The following RAB4A variants were observed in gnomAD, a reference collection of about 807,000 sequenced individuals.
RAB4A encodes ras-related protein Rab-4A.
In RAB4A, 20 loss-of-function variants were observed where a neutral mutation model predicts 34.5. The observed-to-expected ratio is 0.58, with a 90% CI of 0.41 to 0.84. The LOEUF is 0.84. Ranked by LOEUF, RAB4A falls within the 40% of genes least tolerant of loss-of-function variation. The pLI is 0.00. For missense variants in RAB4A, 228 were observed against 274.5 expected, an observed-to-expected ratio of 0.83 and a Z score of 1.20; for synonymous variants, 102 against 100.0, an observed-to-expected ratio of 1.02 and a Z score of -0.12.
chr1:229,294,303 G>A lies in RAB4A; in HGVS notation c.228-1545G>A, dbSNP rs143152809. Reference sequence around the variant, plus strand: ...GCCCAGGACCCAGCTCTGGGGAATCGCAATCCCAGCAGGGCAGATTCAGAA... The same window carrying A: ...GCCCAGGACCCAGCTCTGGGGAATCACAATCCCAGCAGGGCAGATTCAGAA... On this transcript the variant is annotated intron_variant, in intron 3 of 7. Transcript: ENST00000366690. Among the ~76,000 whole-genome samples the A allele has an allele frequency of 3.9e-5, 6 of 152,326 alleles. No individual in the cohort carries two copies. The East Asian group carries it at 9.7e-4, about 25-fold the overall frequency.
intron 6 of RAB4A, among the ~76,000 whole-genome samples, chr1:229,302,297 ATATATATATATATTTT>A (rs1388576720): frequency 0.017 from 488 of 28,360 alleles, 28 homozygotes; most frequent in African/African-American, 0.064. Context: ...ATATATATAT[ATATATATATATATTTT>A]TTTTTTTTTT....
chr1:229,290,786 C>T (rs1466445260), intron 3 of RAB4A, among the ~76,000 whole-genome samples: 2 of 152,098 alleles, frequency 1.3e-5, no homozygotes, highest in Non-Finnish European at 2.9e-5. Context: ...GTTAAATAAA[C>T]TCATGGTGAA....
intron 1 of RAB4A, among the ~76,000 whole-genome samples, chr1:229,281,324 A>T (rs1656770549): frequency 6.6e-6 from 1 of 152,102 alleles, no homozygotes; most frequent in Non-Finnish European, 1.5e-5. Flanking sequence ...TGGCATATAC[A>T]CGTTCAAGAT....
At chr1:229,278,548 C>T (rs2102835625) in intron 1 of RAB4A, among the ~76,000 whole-genome samples, 1 of 152,324 alleles carries the variant, frequency 6.6e-6, no homozygotes, top group South Asian at 2.1e-4. Flanking sequence ...CATCCTTAAC[C>T]CTTTCCATGT....
rs373835772 is a variant in RAB4A, at chr1:229,297,477, C to T, written c.291-5C>T. ...GTATTATTTTCACAATCTTATATTA[C>T]GCAGCCGAGAAACCTACAATGCGCT... On this transcript the variant is annotated splice_region_variant and splice_polypyrimidine_tract_variant and intron_variant, in intron 4 of 7. Transcript: ENST00000366690. 31 of 1,584,460 alleles carry T rather than the reference C, an allele frequency of 2.0e-5. No individual in the cohort carries two copies. The highest frequency in any genetic ancestry group is 4.7e-5 in the South Asian group (4 of 85,446).
chr1:229,289,010 T>A (rs1656994911), intron 3 of RAB4A, 167 bp downstream of exon 3: 1 of 594,720 alleles, frequency 1.7e-6, no homozygotes, highest in Admixed American at 3.2e-5. Flanking sequence ...AGCTAAAATT[T>A]AGGTTAGCTC....
At chr1:229,272,271 C>T (rs916832494) in intron 1 of RAB4A, among the ~76,000 whole-genome samples, 1 of 152,150 alleles carries the variant, frequency 6.6e-6, no homozygotes, top group African/African-American at 2.4e-5. Context: ...TGGAGTTTTA[C>T]AGTCCCAGAG....
chr1:229,282,315 A>G (rs2102838981), intron 1 of RAB4A, among the ~76,000 whole-genome samples: 1 of 152,142 alleles, frequency 6.6e-6, no homozygotes, highest in Non-Finnish European at 1.5e-5. Context: ...TTCGAATTGT[A>G]TTTCCCTTGT....
chr1:229,274,756 T>C (rs554612063), intron 1 of RAB4A, among the ~76,000 whole-genome samples: 1 of 152,356 alleles, frequency 6.6e-6, no homozygotes, highest in South Asian at 2.1e-4. Flanking sequence ...GTATATGTAG[T>C]GGGAAAATGC....
At chr1:229,273,146 T>TG (rs1247235558) in intron 1 of RAB4A, among the ~76,000 whole-genome samples, 4 of 151,992 alleles carry the variant, frequency 2.6e-5, no homozygotes, top group African/African-American at 9.7e-5. Flanking sequence ...GAAAAGCAAG[T>TG]GGGGGTCATG....
In RAB4A at chr1:229,288,855, C is replaced by G. The variant is rs376741628; in HGVS notation, c.227+12C>G. The G allele has an allele frequency of 3.1e-4, 432 of 1,385,244 alleles. No individual in the cohort carries two copies. Among genetic ancestry groups the G allele is most frequent in the Non-Finnish European group, 3.7e-4 (360 of 984,242 alleles). 85.8% of individuals were successfully genotyped at this position (1,385,244 alleles called of 1,614,324 possible). A position where few individuals can be genotyped will look rare whatever the true frequency, so the allele number is the denominator to read the frequency against. On this transcript the variant is annotated intron_variant, in intron 3 of 7. Transcript: ENST00000366690. ...CAAGAACGATTCAGGTAGCTTTTCT[C>G]TAACTTAATAAAAATATTTGAAAAT... is the stretch of plus-strand genomic sequence containing the variant.
intron 1 of RAB4A, among the ~76,000 whole-genome samples, chr1:229,275,382 A>G (rs1461718187): frequency 6.6e-6 from 1 of 152,152 alleles, no homozygotes; most frequent in Non-Finnish European, 1.5e-5. Context: ...GAGCCTTCAG[A>G]GAGACCTTGA....
chr1:229,303,718 T>C (rs989942607), intron 7 of RAB4A, 88 bp from the exon 8 acceptor site: 2 of 152,266 alleles, frequency 1.3e-5, no homozygotes, highest in African/African-American at 4.8e-5. Context: ...AGACAAGATA[T>C]TCACGAATTC....
intron 1 of RAB4A, among the ~76,000 whole-genome samples, chr1:229,284,094 G>GTTTTTTTTTTT (rs773213321): frequency 2.2e-5 from 1 of 45,920 alleles, no homozygotes; most frequent in Non-Finnish European, 3.8e-5. Context: ...GTGTTGTTTG[G>GTTTTTTTTTTT]TTTTTTTTTT....
chr1:229,286,957 C>G (rs914077006), intron 2 of RAB4A, among the ~76,000 whole-genome samples: 1 of 152,152 alleles, frequency 6.6e-6, no homozygotes, highest in Non-Finnish European at 1.5e-5. Context: ...CAGTTGCTGT[C>G]ATCAATTCTG....
intron 3 of RAB4A, among the ~76,000 whole-genome samples, chr1:229,290,864 C>T (rs923349648): frequency 6.6e-6 from 1 of 152,086 alleles, no homozygotes; most frequent in Non-Finnish European, 1.5e-5. Flanking sequence ...ATTAGGAGTT[C>T]CAGAAGAGAG....
intron 1 of RAB4A, among the ~76,000 whole-genome samples, chr1:229,274,500 T>C (rs1656588294): frequency 6.6e-6 from 1 of 152,250 alleles, no homozygotes; most frequent in Non-Finnish European, 1.5e-5. Flanking sequence ...ACCACATGAA[T>C]ACTGTACTTT....
intron 1 of RAB4A, among the ~76,000 whole-genome samples, chr1:229,273,056 T>C (rs186703950): frequency 5.6e-4 from 85 of 152,368 alleles, no homozygotes; most frequent in Non-Finnish European, 8.2e-4. Context: ...TATTTTCAAG[T>C]GCTCTTTAGC....
In RAB4A at chr1:229,284,923, A is replaced by G. The variant is rs935193200; in HGVS notation, c.32-1563A>G. Among the ~76,000 whole-genome samples the G allele has an allele frequency of 5.3e-5, 8 of 152,090 alleles. 1 individual carries two copies. Among genetic ancestry groups the G allele is most frequent in the African/African-American group, 1.9e-4 (8 of 41,406 alleles). ...TTTATATGTTCTGTCCTCAGCTCTC[A>G]GTACTGCCTACTGGTAATCTCCAGG... is the stretch of plus-strand genomic sequence containing the variant. On this transcript the variant is annotated intron_variant, in intron 1 of 7. Coordinates refer to ENST00000366690, the MANE Select transcript of RAB4A (RefSeq NM_004578.4).
Sources: gnomAD v4.1 joint callset for allele counts (sites outside exome capture counted in the v4.1 genomes callset) on GRCh38, gnomAD v4.1.1 for gene constraint, MANE v1.5 for transcripts, NCBI Gene and HGNC (gene_info 2026-07-23, HGNC 2026-07-21) for gene names.